Variants in RSPH10B observed in about 807,000 individuals in gnomAD.
RSPH10B encodes the protein radial spoke head 10 homolog B.
RSPH10B carries 7 observed loss-of-function variants against 52.5 expected under a neutral mutation model. That is an observed-to-expected ratio of 0.13 (90% CI 0.08 to 0.25). The LOEUF is 0.25. Among genes scored for constraint, RSPH10B ranks in the 10% least tolerant of loss-of-function variants. RSPH10B has a pLI of 1.00. For missense variants in RSPH10B, 89 were observed against 542.5 expected, an observed-to-expected ratio of 0.16 and a Z score of 8.30; for synonymous variants, 28 against 193.2, an observed-to-expected ratio of 0.14 and a Z score of 7.09.
intron 18 of RSPH10B, among the ~76,000 whole-genome samples, chr7:5,927,144 T>G (rs1226573665): frequency 7.1e-6 from 1 of 140,158 alleles, no homozygotes; most frequent in Non-Finnish European, 1.6e-5. Flanking sequence ...CAGGCTGGAG[T>G]GCAGTGGCAC....
intron 11 of RSPH10B, among the ~76,000 whole-genome samples, chr7:5,944,562 T>C (rs1780391164): frequency 6.7e-6 from 1 of 148,566 alleles, no homozygotes; most frequent in Non-Finnish European, 1.5e-5. Context: ...ACTGACCAGA[T>C]ATGAAGGGCT....
chr7:5,933,448 C>T (rs1172393468), intron 16 of RSPH10B, among the ~76,000 whole-genome samples: 1 of 127,298 alleles, frequency 7.9e-6, no homozygotes. Flanking sequence ...TCTGTTGGTA[C>T]AGTATTTATT....
At chr7:5,928,930 C>T (rs1200341846) in intron 17 of RSPH10B, among the ~76,000 whole-genome samples, 7 of 147,398 alleles carry the variant, frequency 4.7e-5, no homozygotes, top group Non-Finnish European at 8.9e-5. Flanking sequence ...CCAGCCACCT[C>T]TTTTTTTTCT....
chr7:5,927,076 G>GTATATATA (rs1383646838), intron 18 of RSPH10B, among the ~76,000 whole-genome samples: 11,202 of 130,172 alleles, frequency 0.086, 286 homozygotes, highest in Non-Finnish European at 0.11. Context: ...GTATATGTGT[G>GTATATATA]TGTGTGTGTG....
At chr7:5,968,730 A>C (rs1180621), upstream of RSPH10B, among the ~76,000 whole-genome samples, 9 of 56,650 alleles carry the variant, frequency 1.6e-4, no homozygotes, top group African/African-American at 3.1e-4. Context: ...GGATGGTCTC[A>C]ATCTCCTGAC....
intron 17 of RSPH10B, among the ~76,000 whole-genome samples, chr7:5,932,207 GCAGA>G (rs1189417093): frequency 1.6e-5 from 2 of 123,592 alleles, no homozygotes; most frequent in Non-Finnish European, 3.5e-5. Flanking sequence ...AGCGCAGTCA[GCAGA>G]CAGAGAGGCC....
At chr7:5,931,850 G>A (rs1247516056) in intron 17 of RSPH10B, among the ~76,000 whole-genome samples, 2 of 150,978 alleles carry the variant, frequency 1.3e-5, no homozygotes, top group African/African-American at 2.4e-5. Flanking sequence ...AATACAAGGT[G>A]CAGTGATGGG....
At chr7:5,927,796 C>G (rs573711610) in intron 18 of RSPH10B, among the ~76,000 whole-genome samples, 6 of 146,166 alleles carry the variant, frequency 4.1e-5, no homozygotes, top group African/African-American at 1.5e-4. Flanking sequence ...ATTAGCCAGG[C>G]GTGGTGGTGC....
At chr7:5,927,099 T>TGTGTGTGTGTGTA in intron 18 of RSPH10B, among the ~76,000 whole-genome samples, 1 of 103,488 alleles carries the variant, frequency 9.7e-6, no homozygotes, top group Non-Finnish European at 2.2e-5. Context: ...TGTGTGTGTA[T>TGTGTGTGTGTGTA]TTTTTTTTTT....
intron 17 of RSPH10B, among the ~76,000 whole-genome samples, chr7:5,931,371 G>A (rs1418122471): frequency 2.0e-5 from 3 of 151,480 alleles, no homozygotes; most frequent in Admixed American, 6.6e-5. Flanking sequence ...ACAAGGGCCC[G>A]GGATGGAACC....
intron 17 of RSPH10B, among the ~76,000 whole-genome samples, chr7:5,931,308 C>T (rs1208319098): frequency 6.6e-6 from 1 of 150,752 alleles, no homozygotes; most frequent in Admixed American, 6.7e-5. Flanking sequence ...GGAGGAGTAA[C>T]GGGAAACGAC....
intron 13 of RSPH10B, among the ~76,000 whole-genome samples, chr7:5,939,785 G>A: frequency 1.8e-5 from 1 of 56,102 alleles, no homozygotes; most frequent in African/African-American, 6.8e-5. Context: ...AAGCACGTCG[G>A]GAAACAACGT....
chr7:5,931,575 C>G (rs1259348424), intron 17 of RSPH10B, among the ~76,000 whole-genome samples: 1 of 150,492 alleles, frequency 6.6e-6, no homozygotes, highest in African/African-American at 2.5e-5. Context: ...CAAACAAAGA[C>G]CAGGCGCGGT....
intron 13 of RSPH10B, among the ~76,000 whole-genome samples, chr7:5,940,976 T>C (rs1250267507): frequency 3.7e-4 from 31 of 84,346 alleles, no homozygotes; most frequent in African/African-American, 1.2e-3. Context: ...TATTATTCAA[T>C]GGGCAATTGC....
At chr7:5,927,078 G>GTGTGTATATA (rs1779519441) in intron 18 of RSPH10B, among the ~76,000 whole-genome samples, 4 of 129,774 alleles carry the variant, frequency 3.1e-5, no homozygotes, top group African/African-American at 1.2e-4. Flanking sequence ...ATATGTGTGT[G>GTGTGTATATA]TGTGTGTGTG....
intron 17 of RSPH10B, among the ~76,000 whole-genome samples, chr7:5,931,026 TG>T (rs1333222123): frequency 9.3e-6 from 1 of 107,954 alleles, no homozygotes; most frequent in African/African-American, 3.4e-5. Context: ...CTCTGCCTCC[TG>T]GGTTCAAGCA....
intron 18 of RSPH10B, among the ~76,000 whole-genome samples, chr7:5,927,050 ATGTGTGTG>A (rs755187713): frequency 1.1e-4 from 6 of 56,110 alleles, no homozygotes; most frequent in South Asian, 1.2e-3. Flanking sequence ...TGTGTGTATT[ATGTGTGTG>A]TGTGTGTGTA....
chr7:5,927,713 A>C (rs1306437393), intron 18 of RSPH10B, among the ~76,000 whole-genome samples: 1 of 147,482 alleles, frequency 6.8e-6, no homozygotes, highest in African/African-American at 2.6e-5. Context: ...AAGCTGGCAG[A>C]TCACTTGAGG....
chr7:5,927,045 G>GTATA (rs371313038), intron 18 of RSPH10B, among the ~76,000 whole-genome samples: 1 of 122,960 alleles, frequency 8.1e-6, no homozygotes, highest in Non-Finnish European at 1.8e-5. Context: ...GTGTGTGTGT[G>GTATA]TATTATGTGT....
Sources: gnomAD v4.1 joint callset for allele counts (sites outside exome capture counted in the v4.1 genomes callset) on GRCh38, gnomAD v4.1.1 for gene constraint, MANE v1.5 for transcripts, NCBI Gene and HGNC (gene_info 2026-07-23, HGNC 2026-07-21) for gene names.